Variants in TMEM132C observed in about 807,000 individuals in gnomAD.
TMEM132C encodes protein phosphatase 1, regulatory subunit 152.
Under a neutral mutation model 61.4 loss-of-function variants are expected in TMEM132C, and 29 were observed. The ratio of observed to expected loss-of-function variants is 0.47; its 90% CI spans 0.35 to 0.64. The LOEUF is 0.64. TMEM132C is among the 30% of genes least tolerant of loss of function. The pLI is 0.00. For missense variants in TMEM132C, 1,408 were observed against 1,476.9 expected, an observed-to-expected ratio of 0.95 and a Z score of 0.76; for synonymous variants, 656 against 633.1, an observed-to-expected ratio of 1.04 and a Z score of -0.54.
At chr12:128,457,822 T>G (rs1870397201) in intron 2 of TMEM132C, among the ~76,000 whole-genome samples, 1 of 152,074 alleles carries the variant, frequency 6.6e-6, no homozygotes. Context: ...ACCTCTAATT[T>G]TCATATTCAA....
At chr12:128,693,784 G>C (rs761238436) in intron 5 of TMEM132C, 45 bp from the exon 6 acceptor site, 1,002 of 1,544,072 alleles carry the variant, frequency 6.5e-4, no homozygotes, top group Non-Finnish European at 8.4e-4. Flanking sequence ...TGTCTCCAAG[G>C]CTCCATGAAC....
At chr12:128,601,788 G>A (rs1876203703) in intron 3 of TMEM132C, among the ~76,000 whole-genome samples, 1 of 152,162 alleles carries the variant, frequency 6.6e-6, no homozygotes, top group African/African-American at 2.4e-5. Flanking sequence ...CCTTTTAATG[G>A]AAATAACTTT....
At chr12:128,436,755 A>G (rs1030826507) in intron 2 of TMEM132C, among the ~76,000 whole-genome samples, 1 of 152,244 alleles carries the variant, frequency 6.6e-6, no homozygotes, top group African/African-American at 2.4e-5. Context: ...TCAAGGATCT[A>G]GAACTAGAAA....
chr12:128,469,722 G>GTA lies in TMEM132C; in HGVS notation c.974+54112_974+54113dup, dbSNP rs201870300. Among the ~76,000 whole-genome samples, 756 of 150,912 alleles carry GTA rather than the reference G, an allele frequency of 5.0e-3. 6 individuals carry two copies. Among genetic ancestry groups the GTA allele is most frequent in the African/African-American group, 0.016 (645 of 41,018 alleles). ...TATATATATGCATTTATGTGTGTGT[G>GTA]TATATATATATGCATTTATGTGTGT... On this transcript the variant is annotated intron_variant, in intron 2 of 8. Coordinates refer to ENST00000435159, the MANE Select transcript of TMEM132C (RefSeq NM_001136103.3).
intron 1 of TMEM132C, among the ~76,000 whole-genome samples, chr12:128,402,315 G>A (rs1410826595): frequency 6.8e-6 from 1 of 147,206 alleles, no homozygotes; most frequent in Non-Finnish European, 1.5e-5. Context: ...AGTCATGTGG[G>A]TTTGTTTTAT....
intron 1 of TMEM132C, among the ~76,000 whole-genome samples, chr12:128,285,925 A>C (rs1303790768): frequency 8.2e-3 from 138 of 16,892 alleles, no homozygotes; most frequent in Middle Eastern, 0.038. Flanking sequence ...CCCCATCTCT[A>C]TCCCTCTCTC....
rs184784582 is a variant in TMEM132C at position 128,577,630 on chromosome 12, G to A, written c.1121+33527G>A. On this transcript the variant is annotated intron_variant, in intron 3 of 8. Coordinates refer to ENST00000435159, the MANE Select transcript of TMEM132C (RefSeq NM_001136103.3). ...GGATTGAACTGTGCCTCTCGCCACC[G>A]GTGCACTCTGCTTTTATTAACTCAG... Among the ~76,000 whole-genome samples the A allele has an allele frequency of 2.1e-3, 320 of 152,308 alleles. 1 individual carries two copies. Among genetic ancestry groups the A allele is most frequent in the Admixed American group, 4.1e-3 (63 of 15,300 alleles).
chr12:128,395,423 A>G (rs941876592), intron 1 of TMEM132C, among the ~76,000 whole-genome samples: 5 of 152,284 alleles, frequency 3.3e-5, no homozygotes, highest in South Asian at 2.1e-4. Context: ...GGAGGTGGCA[A>G]TGTGCCCAGT....
chr12:128,301,042 A>G (rs1877893), intron 1 of TMEM132C, among the ~76,000 whole-genome samples: 104,481 of 152,048 alleles, frequency 0.69, 36,924 homozygotes, highest in South Asian at 0.83. Context: ...CCCTGTCTCA[A>G]ACAAACAAAA....
At chr12:128,456,530 C>T (rs1380613801) in intron 2 of TMEM132C, among the ~76,000 whole-genome samples, 1 of 150,754 alleles carries the variant, frequency 6.6e-6, no homozygotes, top group East Asian at 2.0e-4. Context: ...GCTCAGCCTC[C>T]CAAGTAGCTG....
At chr12:128,431,295 G>C (rs551618564) in intron 2 of TMEM132C, among the ~76,000 whole-genome samples, 1 of 152,316 alleles carries the variant, frequency 6.6e-6, no homozygotes, top group African/African-American at 2.4e-5. Flanking sequence ...TTCTGTGAAG[G>C]CTGAGGGAGG....
intron 1 of TMEM132C, among the ~76,000 whole-genome samples, chr12:128,364,611 C>G (rs1046938516): frequency 6.6e-6 from 1 of 152,176 alleles, no homozygotes; most frequent in Non-Finnish European, 1.5e-5. Context: ...TATTTCCATT[C>G]AGAAGCCATT....
intron 3 of TMEM132C, among the ~76,000 whole-genome samples, chr12:128,562,264 G>A (rs1874548976): frequency 6.6e-6 from 1 of 152,174 alleles, no homozygotes; most frequent in Non-Finnish European, 1.5e-5. Flanking sequence ...TTTTTTAAAA[G>A]CGGTACGAAA....
chr12:128,274,544 T>C (rs1183843411), intron 1 of TMEM132C, among the ~76,000 whole-genome samples: 1 of 152,208 alleles, frequency 6.6e-6, no homozygotes, highest in African/African-American at 2.4e-5. Flanking sequence ...TATAAGAGAT[T>C]GGAAGCTCTT....
chr12:128,676,536 T>A (rs961812776), intron 5 of TMEM132C, among the ~76,000 whole-genome samples: 2 of 152,224 alleles, frequency 1.3e-5, no homozygotes, highest in South Asian at 4.1e-4. Flanking sequence ...CCTTAGAGAA[T>A]CATTGTAAAC....
intron 4 of TMEM132C, among the ~76,000 whole-genome samples, chr12:128,637,316 G>A (rs1954111963): frequency 6.6e-6 from 1 of 152,192 alleles, no homozygotes; most frequent in Non-Finnish European, 1.5e-5. Flanking sequence ...CGAAAGCTCT[G>A]TATGGTAGCA....
intron 3 of TMEM132C, among the ~76,000 whole-genome samples, chr12:128,546,745 A>T (rs1873964247): frequency 6.6e-6 from 1 of 152,146 alleles, no homozygotes; most frequent in Non-Finnish European, 1.5e-5. Context: ...CCCCACTTTC[A>T]CTTATAAGGG....
chr12:128,703,114 C>T (rs756440116), intron 8 of TMEM132C, among the ~76,000 whole-genome samples: 9 of 152,160 alleles, frequency 5.9e-5, no homozygotes, highest in East Asian at 5.8e-4. Flanking sequence ...CTCTTCCTAA[C>T]GATATGACTG....
rs775017518 is a variant in TMEM132C at position 128,326,932 on chromosome 12, G to A, written c.85+59445G>A. Among the ~76,000 whole-genome samples the A allele has an allele frequency of 2.1e-4, 31 of 149,896 alleles. 1 individual carries two copies. The highest frequency in any genetic ancestry group is 2.9e-4 in the Non-Finnish European group (20 of 68,038). On this transcript the variant is annotated intron_variant, in intron 1 of 8. Coordinates refer to ENST00000435159, the MANE Select transcript of TMEM132C (RefSeq NM_001136103.3). This position sits in a 1 kb window ranked among gnomAD's most constrained non-coding sequence, Gnocchi z 5.6. ...TGGGAAGCTCAAGATTAGCCGTGTC[G>A]TAGGGGGAAAATGTTAGAACGACTA...
Sources: allele counts gnomAD v4.1 joint callset (sites outside exome capture counted in the v4.1 genomes callset), GRCh38; gene constraint gnomAD v4.1.1; non-coding constraint Gnocchi (gnomAD v3.1); transcripts MANE v1.5; gene names NCBI Gene and HGNC (gene_info 2026-07-23, HGNC 2026-07-21).